RIC1: variants seen among roughly 807,000 people sequenced by gnomAD.
RIC1 encodes guanine nucleotide exchange factor subunit RIC1.
In RIC1, 88 loss-of-function variants were observed where a neutral mutation model predicts 169.0. The observed-to-expected ratio is 0.52, with a 90% CI of 0.44 to 0.62. The LOEUF (loss-of-function observed/expected upper bound fraction) is 0.62, where lower values mean the gene tolerates loss of function less well. Ranked by LOEUF, RIC1 falls within the 20% of genes least tolerant of loss-of-function variation. RIC1 has a pLI of 0.00. For synonymous variants in RIC1, 790 were observed against 601.5 expected, an observed-to-expected ratio of 1.31 and a Z score of -4.59; for missense variants, 1,877 against 1,725.5, an observed-to-expected ratio of 1.09 and a Z score of -1.56.
chr9:5,632,619 G>C (rs568601190), intron 1 of RIC1, among the ~76,000 whole-genome samples: 1 of 152,276 alleles, frequency 6.6e-6, no homozygotes, highest in Admixed American at 6.5e-5. Context: ...GTGTAGGCTA[G>C]ATTGGGGTGG....
In RIC1 at chr9:5,762,617, A is replaced by G; in HGVS notation, c.2069A>G (p.Gln690Arg). 1 of 1,614,050 alleles carries G rather than the reference A, an allele frequency of 6.2e-7. No individual in the cohort carries two copies. Among genetic ancestry groups the G allele is most frequent in the Non-Finnish European group, 8.5e-7 (1 of 1,179,956 alleles). ...IMMQRDRSGP[Q>R]IREKDSNPNN... ...ATGCAGAGGGACAGGTCAGGCCCAC[A>G]GATCCGGGAGAAGGACAGTAACCCT... The change falls in exon 18 of 26, where the codon CAG (glutamine) becomes CGG (arginine). Residue 690 changes from glutamine (Q) to arginine (R), a missense_variant. Gln to Arg is a conservative substitution (Grantham distance 43). This residue lies in a region of RIC1 where 1,104 missense variants were observed against 992.0 expected (regional missense o/e 1.11). Transcript: ENST00000414202.
At chr9:5,642,988 T>A (rs944573759) in intron 1 of RIC1, among the ~76,000 whole-genome samples, 1 of 152,162 alleles carries the variant, frequency 6.6e-6, no homozygotes, top group African/African-American at 2.4e-5. Context: ...GAAGATATTA[T>A]GAAGGAATAC....
chr9:5,776,221 G>GAGAT lies in RIC1; in HGVS notation c.*1978_*1981dup, dbSNP rs1362117835. 1 of 152,108 alleles carries GAGAT rather than the reference G, an allele frequency of 6.6e-6. No individual in the cohort carries two copies. Among genetic ancestry groups the GAGAT allele is most frequent in the East Asian group, 1.9e-4 (1 of 5,196 alleles). The allele number at this position is 152,108 out of a possible 1,614,324, so 9.4% of individuals were successfully genotyped here. On this transcript the variant is annotated 3_prime_UTR_variant, in exon 26 of 26. Coordinates refer to ENST00000414202, the MANE Select transcript of RIC1 (RefSeq NM_020829.4). ...ATACAATATTCTTTTACAACTAATAGAGATAGGAGGCCCCCAGGCAAGAAG... is the reference window on the plus strand; with the variant it reads ...ATACAATATTCTTTTACAACTAATAGAGATAGATAGGAGGCCCCCAGGCAAGAAG...
intron 23 of RIC1, 65 bp from the exon 24 acceptor site, chr9:5,772,499 T>C: frequency 7.4e-7 from 1 of 1,355,018 alleles, no homozygotes; most frequent in Non-Finnish European, 1.0e-6. Flanking sequence ...AGCTAATATT[T>C]AAAATTAAAG....
chr9:5,725,714 C>G (rs1032289826), intron 6 of RIC1, among the ~76,000 whole-genome samples: 2 of 152,140 alleles, frequency 1.3e-5, no homozygotes, highest in Non-Finnish European at 2.9e-5. Context: ...AAATTTCCCT[C>G]TACACACTGC....
intron 16 of RIC1, 35 bp from the exon 17 acceptor site, chr9:5,757,277 GT>G: frequency 1.2e-6 from 2 of 1,610,480 alleles, no homozygotes; most frequent in Non-Finnish European, 1.7e-6. Context: ...TATTAGCATT[GT>G]TGTTGAGGTA....
At position 5,770,277 on chromosome 9, in the gene RIC1, A is replaced by C; in HGVS notation, c.3615A>C (p.Lys1205Asn). Residue 1205 changes from lysine (K) to asparagine (N), a missense_variant and splice_region_variant, in exon 23 of 26, where the codon AAA becomes AAC. Coordinates refer to ENST00000414202, the MANE Select transcript of RIC1 (RefSeq NM_020829.4). ...QDAFLSPLSNKGDECSIGSAT... is the reference protein window; with the variant it reads ...QDAFLSPLSNNGDECSIGSAT... ...CCTTCTTGTCACCTTTATCTAATAA[A>C]GGTAAATGTAATTTTAAATCCTAGC... 1 of 1,610,506 alleles carries C rather than the reference A, an allele frequency of 6.2e-7. No homozygotes were observed. The highest frequency in any genetic ancestry group is 8.5e-7 in the Non-Finnish European group (1 of 1,177,820).
intron 1 of RIC1, among the ~76,000 whole-genome samples, chr9:5,639,903 G>C (rs539279711): frequency 6.6e-6 from 1 of 151,994 alleles, no homozygotes; most frequent in African/African-American, 2.4e-5. Flanking sequence ...CTGCTCTTTT[G>C]GTTTCCATTG....
chr9:5,630,518 C>T (rs1817668261), intron 1 of RIC1, among the ~76,000 whole-genome samples: 1 of 152,162 alleles, frequency 6.6e-6, no homozygotes, highest in African/African-American at 2.4e-5. Flanking sequence ...CTGTAATGCC[C>T]TTGACAGTCC....
chr9:5,718,039 C>T (rs1823364207), intron 4 of RIC1, among the ~76,000 whole-genome samples: 1 of 142,026 alleles, frequency 7.0e-6, no homozygotes, highest in African/African-American at 2.6e-5. Context: ...ACTAGGGAGG[C>T]TGAGGCAGGA....
chr9:5,657,025 A>T (rs959797069), intron 2 of RIC1, among the ~76,000 whole-genome samples: 4 of 145,522 alleles, frequency 2.7e-5, no homozygotes, highest in Admixed American at 1.4e-4. Context: ...TTCTGTTTTG[A>T]CTCTGCTGCT....
In RIC1 at chr9:5,726,476, C is replaced by A. The variant is rs183134367; in HGVS notation, c.720+5726C>A. 2.4e-3 allele frequency among the ~76,000 whole-genome samples: 359 copies of A among 152,292 alleles called. 2 individuals carry two copies. Among genetic ancestry groups the A allele is most frequent in the African/African-American group, 8.3e-3 (343 of 41,556 alleles). On this transcript the variant is annotated intron_variant, in intron 6 of 25. Coordinates refer to ENST00000414202, the MANE Select transcript of RIC1 (RefSeq NM_020829.4). ...GCACGTAAGGTAGGTCTCCAGAATA[C>A]AGCACAATGATGGGTCTTGACACTT...
chr9:5,690,330 G>C (rs953083568), intron 3 of RIC1, among the ~76,000 whole-genome samples: 1 of 152,076 alleles, frequency 6.6e-6, no homozygotes, highest in Non-Finnish European at 1.5e-5. Context: ...GAAGAGCTAA[G>C]AGATCATGAG....
At chr9:5,631,463 T>C (rs563416707) in intron 1 of RIC1, among the ~76,000 whole-genome samples, 1 of 151,932 alleles carries the variant, frequency 6.6e-6, no homozygotes, top group South Asian at 2.1e-4. Flanking sequence ...AAAAATCAGA[T>C]ATTCACGAGG....
In RIC1 at chr9:5,774,272, A is replaced by G; in HGVS notation, c.*26A>G. On this transcript the variant is annotated 3_prime_UTR_variant, in exon 26 of 26. Coordinates refer to ENST00000414202, the MANE Select transcript of RIC1 (RefSeq NM_020829.4). Reference sequence around the variant, plus strand: ...CAGTGAGGTTCCATCACAAAGGGGCAGTATTAATTAGCAGCAGCGTGCAGC... The same window carrying G: ...CAGTGAGGTTCCATCACAAAGGGGCGGTATTAATTAGCAGCAGCGTGCAGC... The G allele has an allele frequency of 6.4e-7, 1 of 1,571,688 alleles. No homozygotes were observed. Among genetic ancestry groups the G allele is most frequent in the Non-Finnish European group, 8.6e-7 (1 of 1,157,312 alleles).
chr9:5,650,072 C>T (rs1332205745), intron 1 of RIC1, among the ~76,000 whole-genome samples: 1 of 152,138 alleles, frequency 6.6e-6, no homozygotes, highest in Admixed American at 6.5e-5. Flanking sequence ...CCAGTGGTGG[C>T]AGCAGCAGAC....
chr9:5,749,121 G>T (rs1174813943), intron 12 of RIC1, among the ~76,000 whole-genome samples: 3 of 152,214 alleles, frequency 2.0e-5, no homozygotes, highest in African/African-American at 7.2e-5. Context: ...TATATGACTT[G>T]TCCAGTTCAC....
chr9:5,670,920 A>G (rs1031441483), intron 2 of RIC1, among the ~76,000 whole-genome samples: 3 of 152,180 alleles, frequency 2.0e-5, no homozygotes, highest in Non-Finnish European at 4.4e-5. Context: ...AATGGTCTTC[A>G]TGTCGAGTCC....
At chr9:5,723,924 G>C (rs1587026156) in intron 6 of RIC1, among the ~76,000 whole-genome samples, 1 of 152,184 alleles carries the variant, frequency 6.6e-6, no homozygotes, top group Non-Finnish European at 1.5e-5. Context: ...CTAGATCTCT[G>C]TTTTGGTACC....
Sources: gnomAD v4.1 joint callset for allele counts (sites outside exome capture counted in the v4.1 genomes callset) on GRCh38, gnomAD v4.1.1 for gene constraint, gnomAD v4.1.1 regional missense constraint, MANE v1.5 for transcripts, NCBI Gene and HGNC (gene_info 2026-07-23, HGNC 2026-07-21) for gene names.